DTNA: variants seen among roughly 807,000 people sequenced by gnomAD.
DTNA encodes dystrophin-related protein 3.
DTNA carries 43 observed loss-of-function variants against 100.7 expected under a neutral mutation model. That is an observed-to-expected ratio of 0.43 (90% CI 0.33 to 0.55). DTNA has a LOEUF of 0.55. Ranked by LOEUF, DTNA falls within the 20% of genes least tolerant of loss-of-function variation. DTNA has a pLI of 0.04. For missense variants in DTNA, 798 were observed against 953.9 expected (o/e 0.84, Z 2.15); for synonymous variants, 349 against 347.9 (o/e 1.00, Z -0.04).
chr18:34,583,997 T>A (rs1233450862), intron 1 of DTNA, among the ~76,000 whole-genome samples: 5 of 151,990 alleles, frequency 3.3e-5, no homozygotes, highest in African/African-American at 1.2e-4. Context: ...GAGACTTAAG[T>A]AGAAATCTGC....
chr18:34,740,078 A>G (rs2090345110), intron 1 of DTNA, among the ~76,000 whole-genome samples: 3 of 152,152 alleles, frequency 2.0e-5, no homozygotes, highest in South Asian at 2.1e-4. Flanking sequence ...TTCCAAGTAT[A>G]TATTCATCAC....
intron 3 of DTNA, among the ~76,000 whole-genome samples, chr18:34,786,174 G>A (rs1480805882): frequency 6.6e-6 from 1 of 152,196 alleles, no homozygotes; most frequent in African/African-American, 2.4e-5. Context: ...ATGCTTATAT[G>A]CGTGTTCATC....
intron 1 of DTNA, among the ~76,000 whole-genome samples, chr18:34,527,669 A>G (rs1251086105): frequency 6.6e-6 from 1 of 152,116 alleles, no homozygotes; most frequent in African/African-American, 2.4e-5. Flanking sequence ...TTTGTATTCT[A>G]TAGAACAAAA....
chr18:34,877,839 C>T, intron 19 of DTNA, 31 bp downstream of exon 19: 1 of 1,582,134 alleles, frequency 6.3e-7, no homozygotes, highest in East Asian at 2.2e-5. Flanking sequence ...CATTTGTCTG[C>T]TCATCATGGA....
rs2149544048 is a variant in DTNA, at chr18:34,827,687, A to G, written c.1085+11A>G. ...TTTTATTACCAGGAGGTAAGTTCCA[A>G]CCCTATTATAAAATAAGCCCTTTCT... On this transcript the variant is annotated intron_variant, in intron 10 of 22. Coordinates refer to ENST00000444659, the MANE Select transcript of DTNA (RefSeq NM_001386795.1). 1 of 1,611,920 alleles carries G rather than the reference A, an allele frequency of 6.2e-7. No homozygotes were observed. Among genetic ancestry groups the G allele is most frequent in the Non-Finnish European group, 8.5e-7 (1 of 1,178,044 alleles).
At chr18:34,795,941 G>A (rs1346193195) in intron 4 of DTNA, among the ~76,000 whole-genome samples, 1 of 152,142 alleles carries the variant, frequency 6.6e-6, no homozygotes, top group Non-Finnish European at 1.5e-5. Flanking sequence ...TGAAAATATA[G>A]CTGAATCATT....
chr18:34,708,313 A>C (rs2146386651), upstream of DTNA: 1 of 152,334 alleles, frequency 6.6e-6, no homozygotes, highest in South Asian at 2.1e-4. Flanking sequence ...CTAGAAATGT[A>C]ATCTATGTAT....
chr18:34,589,627 A>G (rs1264839036), intron 1 of DTNA, among the ~76,000 whole-genome samples: 1 of 152,080 alleles, frequency 6.6e-6, no homozygotes, highest in East Asian at 1.9e-4. Context: ...ACAAAACGAA[A>G]AAAAAGTACC....
At chr18:34,499,397 C>A (rs1190601084) in intron 1 of DTNA, among the ~76,000 whole-genome samples, 1 of 152,152 alleles carries the variant, frequency 6.6e-6, no homozygotes, top group Non-Finnish European at 1.5e-5. Context: ...TGAAAGACAT[C>A]TGGGTTATTT....
At chr18:34,601,933 C>T (rs998149077) in intron 1 of DTNA, among the ~76,000 whole-genome samples, 3 of 152,174 alleles carry the variant, frequency 2.0e-5, no homozygotes, top group African/African-American at 7.2e-5. Flanking sequence ...TTTCTCCTCT[C>T]TAGGAACTGC....
intron 18 of DTNA, among the ~76,000 whole-genome samples, chr18:34,875,901 A>T (rs2150331562): frequency 6.6e-6 from 1 of 152,320 alleles, no homozygotes; most frequent in Admixed American, 6.5e-5. Flanking sequence ...AAGCCTCTGC[A>T]GTTAGAGGAG....
intron 18 of DTNA, among the ~76,000 whole-genome samples, chr18:34,876,147 A>G (rs574985169): frequency 8.5e-5 from 13 of 152,332 alleles, no homozygotes; most frequent in African/African-American, 2.9e-4. Flanking sequence ...GTGTAAATAG[A>G]TATGTTTAAG....
chr18:34,746,583 C>A (rs1193464414), intron 1 of DTNA, among the ~76,000 whole-genome samples: 1 of 152,114 alleles, frequency 6.6e-6, no homozygotes, highest in Non-Finnish European at 1.5e-5. Flanking sequence ...ATCTGAGGTC[C>A]TGGTGCAGTT....
chr18:34,687,459 G>A (rs1039766129), intron 1 of DTNA, among the ~76,000 whole-genome samples: 4 of 152,188 alleles, frequency 2.6e-5, no homozygotes, highest in African/African-American at 7.2e-5. Context: ...TTTTGAGTGA[G>A]TTTCTTAATC....
At chr18:34,759,743 G>A (rs1157588380) in intron 2 of DTNA, among the ~76,000 whole-genome samples, 5 of 152,216 alleles carry the variant, frequency 3.3e-5, no homozygotes, top group South Asian at 4.2e-4. Flanking sequence ...GTGCAGTGGC[G>A]CGATCTCAGC....
rs182704212 is a variant in DTNA at position 34,644,301 on chromosome 18, A to G, written c.-1-111675A>G. On this transcript the variant is annotated intron_variant, in intron 1 of 19. Transcript: ENST00000283365. ...GGAACATGTAGGAGTCGACTGTATT[A>G]TCATCAAGAGGATGTTTTTGTGAAT... 7.9e-5 allele frequency among the ~76,000 whole-genome samples: 12 copies of G among 152,300 alleles called. No individual in the cohort carries two copies. The East Asian group carries it at 2.1e-3, about 27-fold the overall frequency.
chr18:34,499,592 A>G (rs999848507), intron 1 of DTNA, among the ~76,000 whole-genome samples: 1 of 152,224 alleles, frequency 6.6e-6, no homozygotes, highest in Non-Finnish European at 1.5e-5. Flanking sequence ...CATCAACAAT[A>G]TATGAGAAAT....
chr18:34,891,208 G>A lies in DTNA; in HGVS notation c.*3474G>A, dbSNP rs1388984564. On this transcript the variant is annotated 3_prime_UTR_variant, in exon 23 of 23. Transcript: ENST00000444659. ...CACTAAAGATTTCACAATATTCATT[G>A]GTATTGTAAAAAAAAAATACTATTG... 1.3e-5 allele frequency: 2 copies of A among 152,064 alleles called. No homozygotes were observed. The highest frequency in any genetic ancestry group is 1.9e-4 in the East Asian group (1 of 5,184). The allele number at this position is 152,064 out of a possible 1,614,324, so 9.4% of individuals were successfully genotyped here. A position where few individuals can be genotyped will look rare whatever the true frequency, so the allele number is the denominator to read the frequency against.
At position 34,644,243 on chromosome 18, in the gene DTNA, A is replaced by G. The variant is rs535901278; in HGVS notation, c.-1-111733A>G. On this transcript the variant is annotated intron_variant, in intron 1 of 19. Coordinates refer to the DTNA transcript ENST00000283365. ...GAGTGAAACTGCAGAAATAAAGGAG[A>G]TAGCCAAAAAGCCACAAAACTGAAT... Among the ~76,000 whole-genome samples the G allele has an allele frequency of 3.3e-4, 50 of 152,288 alleles. 2 individuals carry two copies. In the South Asian group the frequency reaches 0.01, roughly 31 times the overall value.
Sources: allele counts gnomAD v4.1 joint callset (sites outside exome capture counted in the v4.1 genomes callset), GRCh38; gene constraint gnomAD v4.1.1; transcripts MANE v1.5; gene names NCBI Gene and HGNC (gene_info 2026-07-23, HGNC 2026-07-21).